MGST1: variants seen among roughly 807,000 people sequenced by gnomAD.
The protein encoded by MGST1 is glutathione S-transferase 12.
MGST1 carries 5 observed loss-of-function variants against 8.9 expected under a neutral mutation model. The ratio of observed to expected loss-of-function variants is 0.56; its 90% CI spans 0.29 to 1.19. The LOEUF (loss-of-function observed/expected upper bound fraction) is 1.19, where lower values mean the gene tolerates loss of function less well. Among genes scored for constraint, MGST1 ranks in the 50% most tolerant of loss-of-function variants. The pLI is 0.08. For missense variants in MGST1, 182 were observed against 187.4 expected (o/e 0.97, Z 0.17); for synonymous variants, 54 against 67.8 (o/e 0.80, Z 1.00).
chr12:16,504,566 C>T (rs750165020), intron 4 of MGST1, among the ~76,000 whole-genome samples: 11 of 152,222 alleles, frequency 7.2e-5, no homozygotes, highest in Admixed American at 1.3e-4. Context: ...TTTTCCCCAA[C>T]CCCCAATACC....
intron 4 of MGST1, among the ~76,000 whole-genome samples, chr12:16,528,821 A>T (rs1189815431): frequency 6.6e-6 from 1 of 152,058 alleles, no homozygotes; most frequent in Non-Finnish European, 1.5e-5. Flanking sequence ...AGAAGAGCCC[A>T]TGTGGATTGG....
At chr12:16,477,164 G>A (rs1032746061) in intron 4 of MGST1, among the ~76,000 whole-genome samples, 1 of 152,138 alleles carries the variant, frequency 6.6e-6, no homozygotes, top group East Asian at 1.9e-4. Context: ...TTTATATGTG[G>A]TTTTGCTAAA....
chr12:16,511,186 C>T (rs1057155665), intron 4 of MGST1, among the ~76,000 whole-genome samples: 2 of 152,186 alleles, frequency 1.3e-5, no homozygotes, highest in Admixed American at 1.3e-4. Flanking sequence ...TTAAAGTAGG[C>T]ACTGAGAAGA....
chr12:16,494,974 T>A (rs188255328), intron 4 of MGST1, among the ~76,000 whole-genome samples: 97 of 152,276 alleles, frequency 6.4e-4, no homozygotes, highest in African/African-American at 2.3e-3. Context: ...GGATAAACTT[T>A]GAGGTCAAAC....
rs544165925 is a variant in MGST1, at chr12:16,392,911, G to A, written n.778+9307G>A. ...CTGTATCTATCTAGAGGGACCTAGA[G>A]AGATAGTAGGTAGATAGGTATAGAC... On this transcript the variant is annotated intron_variant and non_coding_transcript_variant, in intron 1 of 1. Coordinates refer to the MGST1 transcript ENST00000359720. Among the ~76,000 whole-genome samples, 3 of 152,182 alleles carry A rather than the reference G, an allele frequency of 2.0e-5. No individual in the cohort carries two copies. In the East Asian group the frequency reaches 5.8e-4, roughly 29 times the overall value.
intron 1 of MGST1, among the ~76,000 whole-genome samples, chr12:16,385,206 G>T (rs989762630): frequency 1.3e-5 from 2 of 152,142 alleles, no homozygotes; most frequent in African/African-American, 4.8e-5. Flanking sequence ...TTCTTATTGT[G>T]CCCAAATTTT....
chr12:16,389,407 A>C lies in MGST1; in HGVS notation n.778+5803A>C, dbSNP rs1047929413. On this transcript the variant is annotated intron_variant and non_coding_transcript_variant, in intron 1 of 1. Coordinates refer to the MGST1 transcript ENST00000359720. The surrounding 1 kb of genome is among the most constrained non-coding windows in gnomAD (Gnocchi z 4.6). ...GACCATTTAAACCAGACTGTAGTTG[A>C]ACTAAAATAAATAAGGTCTCTTTTT... is the stretch of plus-strand genomic sequence containing the variant. Among the ~76,000 whole-genome samples, 2 of 152,216 alleles carry C rather than the reference A, an allele frequency of 1.3e-5. No individual in the cohort carries two copies. Among genetic ancestry groups the C allele is most frequent in the Non-Finnish European group, 2.9e-5 (2 of 68,042 alleles).
intron 4 of MGST1, among the ~76,000 whole-genome samples, chr12:16,583,676 G>T (rs1050257819): frequency 6.6e-6 from 1 of 152,190 alleles, no homozygotes; most frequent in African/African-American, 2.4e-5. Flanking sequence ...TATGTTATTT[G>T]CTTGTTTCTA....
chr12:16,543,363 C>T (rs1245888869), intron 4 of MGST1, among the ~76,000 whole-genome samples: 3 of 152,042 alleles, frequency 2.0e-5, no homozygotes, highest in Non-Finnish European at 4.4e-5. Flanking sequence ...GGCCTGAATC[C>T]TCAATTTACT....
chr12:16,526,645 T>G (rs1006598853), intron 4 of MGST1, among the ~76,000 whole-genome samples: 6 of 152,042 alleles, frequency 3.9e-5, no homozygotes, highest in Non-Finnish European at 2.9e-5. Flanking sequence ...AAAGGAATTT[T>G]GAGTCACAAG....
At chr12:16,459,381 AT>A (rs1358448404) in intron 4 of MGST1, among the ~76,000 whole-genome samples, 4 of 152,044 alleles carry the variant, frequency 2.6e-5, no homozygotes, top group African/African-American at 9.7e-5. Flanking sequence ...GAGGAAGAAA[AT>A]GGAATCAAGA....
intron 4 of MGST1, among the ~76,000 whole-genome samples, chr12:16,511,515 C>CT (rs1281549929): frequency 1.6e-4 from 24 of 152,140 alleles, no homozygotes; most frequent in Admixed American, 1.6e-3. Context: ...TATTGGCAAT[C>CT]TTTTTTTCTC....
rs189301906 is a variant in MGST1, at chr12:16,482,270, T to A, written n.482+98666T>A. On this transcript the variant is annotated intron_variant and non_coding_transcript_variant, in intron 4 of 4. Transcript: ENST00000538857. This position sits in a 1 kb window ranked among gnomAD's most constrained non-coding sequence, Gnocchi z 4.2. The stretch of plus-strand genomic sequence containing the variant: ...GCTTATGAGTAAAGATACTCAGAAA[T>A]ATGTGAATACATTTAAAATAGATTT... 4.0e-4 allele frequency among the ~76,000 whole-genome samples: 61 copies of A among 152,258 alleles called. No homozygotes were observed. Among genetic ancestry groups the A allele is most frequent in the African/African-American group, 1.4e-3 (58 of 41,544 alleles).
chr12:16,356,345 A>G (rs1342015594), intron 2 of MGST1, among the ~76,000 whole-genome samples: 3 of 152,120 alleles, frequency 2.0e-5, no homozygotes, highest in Admixed American at 6.5e-5. Flanking sequence ...TTGTACATCT[A>G]GTGTGTGCCA....
Position 16,436,454 on chromosome 12 carries a change from T to TAA in MGST1, n.779-933_779-932insAA, listed in dbSNP as rs542084107. Among the ~76,000 whole-genome samples the TAA allele has an allele frequency of 8.6e-5, 13 of 151,970 alleles. No homozygotes were observed. The East Asian group carries it at 1.8e-3, about 21-fold the overall frequency. ...TCTTAAGTTCATTGAGGGAAGGAAA[T>TAA]ACATTGCATACGTCTTTCTCTTTCC... On this transcript the variant is annotated intron_variant and non_coding_transcript_variant, in intron 1 of 1. Transcript: ENST00000359720.
At chr12:16,376,008 CTA>C (rs1940373188) in intron 3 of MGST1, 1 of 626,918 alleles carries the variant, frequency 1.6e-6, no homozygotes. Context: ...ACCCACACAC[CTA>C]TATGTACACA....
rs1481132503 is a variant in MGST1, at chr12:16,559,178, A to G, written n.483-30350A>G. On this transcript the variant is annotated intron_variant and non_coding_transcript_variant, in intron 4 of 4. Transcript: ENST00000538857. The surrounding 1 kb of genome is among the most constrained non-coding windows in gnomAD (Gnocchi z 4.1). ...CTGCCAGGTGTTCTCACAGAAAGTC[A>G]GTGAATTCATTTTCATTAAAATCTA... Among the ~76,000 whole-genome samples, 2 of 152,210 alleles carry G rather than the reference A, an allele frequency of 1.3e-5. No homozygotes were observed. Among genetic ancestry groups the G allele is most frequent in the African/African-American group, 4.8e-5 (2 of 41,464 alleles).
intron 1 of MGST1, among the ~76,000 whole-genome samples, chr12:16,435,655 AAAGAC>A (rs1940979066): frequency 6.6e-6 from 1 of 151,972 alleles, no homozygotes; most frequent in South Asian, 2.1e-4. Flanking sequence ...AGGGAAATAA[AAAGAC>A]AAGATGTGTA....
chr12:16,350,566 T>C (rs2136914705), intron 1 of MGST1, among the ~76,000 whole-genome samples: 3 of 152,336 alleles, frequency 2.0e-5, no homozygotes, highest in Admixed American at 2.0e-4. Context: ...AGTAATTTTG[T>C]TGTGGCTGCA....
Sources: gnomAD v4.1 joint callset for allele counts (sites outside exome capture counted in the v4.1 genomes callset) on GRCh38, gnomAD v4.1.1 for gene constraint, Gnocchi (gnomAD v3.1) non-coding constraint, MANE v1.5 for transcripts, NCBI Gene and HGNC (gene_info 2026-07-23, HGNC 2026-07-21) for gene names.